The following AGBL1 variants were observed in gnomAD, a reference collection of about 807,000 sequenced individuals.
AGBL1 encodes cytosolic carboxypeptidase 4.
Under a neutral mutation model 118.9 loss-of-function variants are expected in AGBL1, and 130 were observed. The ratio of observed to expected loss-of-function variants is 1.09; its 90% CI spans 0.95 to 1.26. AGBL1 has a LOEUF of 1.26. Ranked by LOEUF, AGBL1 falls within the 50% of genes most tolerant of loss-of-function variation. AGBL1 has a pLI of 0.00. For missense variants in AGBL1, 1,584 were observed against 1,298.1 expected (o/e 1.22, Z -3.38); for synonymous variants, 555 against 478.9 (o/e 1.16, Z -2.08).
chr15:86,843,568 TA>T (rs2079276350), intron 22 of AGBL1, among the ~76,000 whole-genome samples: 1 of 152,098 alleles, frequency 6.6e-6, no homozygotes, highest in Non-Finnish European at 1.5e-5. Context: ...CAGAAGGAGG[TA>T]CTGCAAACAT....
chr15:86,783,460 C>G (rs1482886240), intron 22 of AGBL1, among the ~76,000 whole-genome samples: 2 of 152,194 alleles, frequency 1.3e-5, no homozygotes, highest in Non-Finnish European at 2.9e-5. Context: ...CTTCACAGCA[C>G]AAGAACAGGA....
At chr15:86,534,775 G>A (rs552047722) in intron 19 of AGBL1, among the ~76,000 whole-genome samples, 90 of 152,274 alleles carry the variant, frequency 5.9e-4, no homozygotes, top group African/African-American at 2.0e-3. Flanking sequence ...AGTGAAAGAA[G>A]CTAGACACTA....
rs7178492 is a variant in AGBL1, at chr15:86,908,998, G to C, written c.*1704G>C. 9,324 of 152,316 alleles carry C rather than the reference G, an allele frequency of 0.061. 348 individuals carry two copies. The highest frequency in any genetic ancestry group is 0.094 in the African/African-American group (3,902 of 41,572). The allele number at this position is 152,316 out of a possible 1,614,324, so 9.4% of individuals were successfully genotyped here. ...GCTTCTGCAGTTTTCTGGCTCTACT[G>C]TGTGTGCTTCTACTCTTGGTCTAGA... On this transcript the variant is annotated 3_prime_UTR_variant, in exon 23 of 23. Transcript: ENST00000614907.
At chr15:86,483,015 G>A (rs2082671827) in intron 18 of AGBL1, among the ~76,000 whole-genome samples, 1 of 151,884 alleles carries the variant, frequency 6.6e-6, no homozygotes, top group African/African-American at 2.4e-5. Flanking sequence ...GAGAAGAAAA[G>A]GGAACAAAAA....
chr15:86,311,463 C>A (rs1280411464), intron 17 of AGBL1, among the ~76,000 whole-genome samples: 1 of 152,008 alleles, frequency 6.6e-6, no homozygotes, highest in Non-Finnish European at 1.5e-5. Context: ...GACATTATTC[C>A]TGCTGAAAAG....
intron 5 of AGBL1, among the ~76,000 whole-genome samples, chr15:86,224,164 T>C (rs2141927703): frequency 6.6e-6 from 1 of 152,100 alleles, no homozygotes; most frequent in Non-Finnish European, 1.5e-5. Context: ...CAAACACAAC[T>C]CTCCTCCCTA....
intron 22 of AGBL1, among the ~76,000 whole-genome samples, chr15:86,787,415 C>A (rs2078428131): frequency 1.3e-5 from 2 of 152,062 alleles, no homozygotes; most frequent in Non-Finnish European, 2.9e-5. Context: ...AAATCTATAT[C>A]CTCTCATTTT....
intron 18 of AGBL1, among the ~76,000 whole-genome samples, chr15:86,482,011 G>T (rs2082658805): frequency 6.6e-6 from 1 of 152,124 alleles, no homozygotes; most frequent in Non-Finnish European, 1.5e-5. Flanking sequence ...CCAGAGATAA[G>T]TCCAGTAGTC....
intron 5 of AGBL1, among the ~76,000 whole-genome samples, chr15:86,203,201 A>G (rs2077935596): frequency 6.6e-6 from 1 of 152,204 alleles, no homozygotes; most frequent in South Asian, 2.1e-4. Flanking sequence ...ACATCTGGAT[A>G]GAGGATCAGG....
chr15:86,903,599 C>T (rs961720015), intron 22 of AGBL1, among the ~76,000 whole-genome samples: 10 of 152,294 alleles, frequency 6.6e-5, no homozygotes, highest in Admixed American at 2.0e-4. Flanking sequence ...TCCTATGAGG[C>T]TATGGATCTT....
At chr15:86,887,173 G>T (rs983274113) in intron 22 of AGBL1, among the ~76,000 whole-genome samples, 1 of 152,094 alleles carries the variant, frequency 6.6e-6, no homozygotes, top group Admixed American at 6.5e-5. Flanking sequence ...ATATGTAAAG[G>T]TATATGTGTA....
At chr15:86,271,043 A>ATTTTTTTTTT (rs58166692) in intron 14 of AGBL1, among the ~76,000 whole-genome samples, 5 of 89,062 alleles carry the variant, frequency 5.6e-5, no homozygotes, top group Non-Finnish European at 8.1e-5. Context: ...GTCACGTTGC[A>ATTTTTTTTTT]TTTTTTTTTT....
At chr15:86,241,593 C>T (rs899060167) in intron 6 of AGBL1, among the ~76,000 whole-genome samples, 2 of 152,088 alleles carry the variant, frequency 1.3e-5, no homozygotes, top group African/African-American at 4.8e-5. Flanking sequence ...CTTCTTGCTG[C>T]ATACTCACAT....
intron 22 of AGBL1, among the ~76,000 whole-genome samples, chr15:86,900,094 C>G (rs368405425): frequency 6.6e-6 from 1 of 152,138 alleles, no homozygotes; most frequent in Non-Finnish European, 1.5e-5. Flanking sequence ...CTTGGGCTTA[C>G]AGCAGTGATT....
At chr15:86,468,574 G>A (rs1490597673) in intron 18 of AGBL1, among the ~76,000 whole-genome samples, 2 of 152,160 alleles carry the variant, frequency 1.3e-5, no homozygotes, top group Admixed American at 1.3e-4. Flanking sequence ...ATTGTTTGAT[G>A]TGTCTTAAAT....
At chr15:86,562,602 C>A (rs1478692561) in intron 21 of AGBL1, among the ~76,000 whole-genome samples, 1 of 152,100 alleles carries the variant, frequency 6.6e-6, no homozygotes, top group Non-Finnish European at 1.5e-5. Flanking sequence ...GTCTAAAATT[C>A]TCTTTTTTTG....
At chr15:86,113,893 C>T (rs969341324) in intron 1 of AGBL1, among the ~76,000 whole-genome samples, 1 of 152,064 alleles carries the variant, frequency 6.6e-6, no homozygotes, top group African/African-American at 2.4e-5. Context: ...TTCTCCATGC[C>T]CCAAAGGAAA....
chr15:86,174,925 T>G (rs1022337604), intron 5 of AGBL1, among the ~76,000 whole-genome samples: 1 of 152,084 alleles, frequency 6.6e-6, no homozygotes. Context: ...GTTGAGGACT[T>G]TTGCATCTAT....
intron 23 of AGBL1, among the ~76,000 whole-genome samples, chr15:86,941,024 G>A (rs955750679): frequency 1.3e-5 from 2 of 152,154 alleles, no homozygotes; most frequent in African/African-American, 4.8e-5. Flanking sequence ...ATCTTTAAAT[G>A]TAATTCTTGT....
Sources: allele counts gnomAD v4.1 joint callset (sites outside exome capture counted in the v4.1 genomes callset), GRCh38; gene constraint gnomAD v4.1.1; transcripts MANE v1.5; gene names NCBI Gene and HGNC (gene_info 2026-07-23, HGNC 2026-07-21).